Variants in KCND3 observed in about 807,000 individuals in gnomAD.
KCND3 encodes potassium voltage-gated channel subfamily D member 3.
KCND3 carries 9 observed loss-of-function variants against 51.1 expected under a neutral mutation model. That is an observed-to-expected ratio of 0.18 (90% CI 0.11 to 0.31). KCND3 has a LOEUF of 0.31. Ranked by LOEUF, KCND3 falls within the 10% of genes least tolerant of loss-of-function variation. KCND3 has a pLI of 1.00. For synonymous variants in KCND3, 349 were observed against 368.0 expected, an observed-to-expected ratio of 0.95 and a Z score of 0.59; for missense variants, 526 against 903.8, an observed-to-expected ratio of 0.58 and a Z score of 5.36.
rs1663910628 is a variant in KCND3, at chr1:111,771,670, CAT to C, written c.*4405_*4406del. 6.6e-6 allele frequency: 1 copy of C among 152,186 alleles called. No individual in the cohort carries two copies. Among genetic ancestry groups the C allele is most frequent in the African/African-American group, 2.4e-5 (1 of 41,436 alleles). The allele number at this position is 152,186 out of a possible 1,614,324, so 9.4% of individuals were successfully genotyped here. A position where few individuals can be genotyped will look rare whatever the true frequency, so the allele number is the denominator to read the frequency against. On this transcript the variant is annotated 3_prime_UTR_variant, in exon 8 of 8. Transcript: ENST00000302127. Reference sequence around the variant, plus strand: ...AAGTGATATCCTGAACTGTAGGAATCATATTTTGAAAACTGGATAAAATCATC... The same window carrying C: ...AAGTGATATCCTGAACTGTAGGAATCATTTTGAAAACTGGATAAAATCATC...
Position 111,827,332 on chromosome 1 carries a change from G to A in KCND3, c.1107-40226C>T, listed in dbSNP as rs552557150. ...AAGGCAGCTGGTGCAGCCTAGGGGTGGAGCCCAAGTAAGCACACCCATGTC... is the reference window on the plus strand; with the variant it reads ...AAGGCAGCTGGTGCAGCCTAGGGGTAGAGCCCAAGTAAGCACACCCATGTC... On this transcript the variant is annotated intron_variant, in intron 2 of 7. Coordinates refer to ENST00000302127, the MANE Select transcript of KCND3 (RefSeq NM_001378969.1). 7.5e-4 allele frequency among the ~76,000 whole-genome samples: 114 copies of A among 152,350 alleles called. No individual in the cohort carries two copies. The South Asian group carries it at 0.011, about 15-fold the overall frequency.
At chr1:111,894,151 T>C (rs1374173550) in intron 2 of KCND3, among the ~76,000 whole-genome samples, 2 of 152,184 alleles carry the variant, frequency 1.3e-5, no homozygotes, top group African/African-American at 4.8e-5. Context: ...CGCTGTGGTG[T>C]GGTTGAGGGC....
At chr1:111,859,102 C>G (rs1437782685) in intron 2 of KCND3, among the ~76,000 whole-genome samples, 1 of 152,224 alleles carries the variant, frequency 6.6e-6, no homozygotes, top group African/African-American at 2.4e-5. Context: ...TTGATCATGT[C>G]TGTCTCCTAT....
At chr1:111,987,421 G>C (rs545721530) in intron 1 of KCND3, among the ~76,000 whole-genome samples, 1 of 152,298 alleles carries the variant, frequency 6.6e-6, no homozygotes, top group East Asian at 1.9e-4. Context: ...CAAGCACCAG[G>C]CTGTCTCCAG....
chr1:111,961,847 G>T (rs1052601071), intron 2 of KCND3, among the ~76,000 whole-genome samples: 2 of 152,118 alleles, frequency 1.3e-5, no homozygotes, highest in Non-Finnish European at 2.9e-5. Context: ...GAGACAAGGG[G>T]GCTCAACTAC....
chr1:111,809,650 C>CGTGT (rs10591522), intron 2 of KCND3, among the ~76,000 whole-genome samples: 3,688 of 149,904 alleles, frequency 0.025, 114 homozygotes, highest in African/African-American at 0.08. Context: ...TCACATTTCC[C>CGTGT]GTGTGTGTGT....
intron 2 of KCND3, among the ~76,000 whole-genome samples, chr1:111,826,926 G>A (rs1309948490): frequency 6.6e-6 from 1 of 152,176 alleles, no homozygotes; most frequent in Non-Finnish European, 1.5e-5. Flanking sequence ...GGGACCAGAA[G>A]TGTTTTGGAT....
Position 111,897,031 on chromosome 1 carries a change from G to A in KCND3, c.1106+84590C>T, listed in dbSNP as rs1571816332. Among the ~76,000 whole-genome samples, 3 of 152,350 alleles carry A rather than the reference G, an allele frequency of 2.0e-5. No individual in the cohort carries two copies. In the East Asian group the frequency reaches 5.8e-4, roughly 29 times the overall value. ...AACTCCTTAAGGCAGGCTGGGGTCT[G>A]TCTTGTCCGCTGTTGTATTCCCAGG... is the stretch of plus-strand genomic sequence containing the variant. On this transcript the variant is annotated intron_variant, in intron 2 of 7. Transcript: ENST00000302127.
chr1:111,861,121 G>C (rs555413274), intron 2 of KCND3, among the ~76,000 whole-genome samples: 40 of 152,264 alleles, frequency 2.6e-4, no homozygotes, highest in Middle Eastern at 3.4e-3. Context: ...GTGGTGACTA[G>C]TTGAGGTTGC....
At chr1:111,817,399 G>A (rs780114834) in intron 2 of KCND3, among the ~76,000 whole-genome samples, 9 of 152,190 alleles carry the variant, frequency 5.9e-5, no homozygotes, top group Non-Finnish European at 1.3e-4. Flanking sequence ...ACCAAAAGTG[G>A]CCCAATAATT....
chr1:111,885,970 T>A (rs541958100), intron 2 of KCND3, among the ~76,000 whole-genome samples: 1 of 152,208 alleles, frequency 6.6e-6, no homozygotes, highest in Non-Finnish European at 1.5e-5. Context: ...CGTACCCAGC[T>A]GCATGTTTCG....
At chr1:111,915,894 T>C (rs1671193530) in intron 2 of KCND3, among the ~76,000 whole-genome samples, 1 of 151,254 alleles carries the variant, frequency 6.6e-6, no homozygotes, top group Non-Finnish European at 1.5e-5. Context: ...CCTAAATGTA[T>C]ATGTATTTGT....
intron 2 of KCND3, among the ~76,000 whole-genome samples, chr1:111,799,970 G>A (rs541834491): frequency 3.3e-4 from 50 of 152,084 alleles, no homozygotes; most frequent in South Asian, 2.5e-3. Context: ...GGTGAGGGGC[G>A]CCTCTGCCCG....
chr1:111,799,934 C>T (rs974459457), intron 2 of KCND3, among the ~76,000 whole-genome samples: 5 of 152,210 alleles, frequency 3.3e-5, no homozygotes, highest in South Asian at 2.1e-4. Context: ...TGGGCCCCCC[C>T]GCCTGGCCAG....
chr1:111,896,915 C>G (rs1670140464), intron 2 of KCND3, among the ~76,000 whole-genome samples: 1 of 152,192 alleles, frequency 6.6e-6, no homozygotes, highest in African/African-American at 2.4e-5. Flanking sequence ...ACACACATAC[C>G]ACATGTGTAA....
chr1:111,872,678 T>C (rs1469597873), intron 2 of KCND3, among the ~76,000 whole-genome samples: 1 of 152,112 alleles, frequency 6.6e-6, no homozygotes, highest in Non-Finnish European at 1.5e-5. Flanking sequence ...CAAGGAATCT[T>C]AGTGCCAGAC....
At chr1:111,956,307 C>T (rs1673337121) in intron 2 of KCND3, among the ~76,000 whole-genome samples, 1 of 152,162 alleles carries the variant, frequency 6.6e-6, no homozygotes, top group African/African-American at 2.4e-5. Flanking sequence ...TTTGTGAGGG[C>T]ATCAACGTCA....
chr1:111,860,607 A>T (rs1392871717), intron 2 of KCND3, among the ~76,000 whole-genome samples: 2 of 152,132 alleles, frequency 1.3e-5, no homozygotes, highest in Non-Finnish European at 2.9e-5. Flanking sequence ...GCTCCCTCTC[A>T]GCCCTATCTA....
chr1:111,829,079 G>C (rs1666711470), intron 2 of KCND3, among the ~76,000 whole-genome samples: 1 of 152,234 alleles, frequency 6.6e-6, no homozygotes, highest in South Asian at 2.1e-4. Context: ...TTTCACTGTA[G>C]TAAGAGAGAA....
Sources: gnomAD v4.1 joint callset for allele counts (sites outside exome capture counted in the v4.1 genomes callset) on GRCh38, gnomAD v4.1.1 for gene constraint, MANE v1.5 for transcripts, NCBI Gene and HGNC (gene_info 2026-07-23, HGNC 2026-07-21) for gene names.